ATAD1: variants seen among roughly 807,000 people sequenced by gnomAD.
ATAD1 encodes the protein ATPase family AAA domain containing 1, also known as outer mitochondrial transmembrane helix translocase.
ATAD1 carries 18 observed loss-of-function variants against 42.7 expected under a neutral mutation model. That is an observed-to-expected ratio of 0.42 (90% confidence interval 0.29 to 0.63). The LOEUF (loss-of-function observed/expected upper bound fraction) is 0.63. Ranked by LOEUF, ATAD1 falls within the 20% of genes least tolerant of loss-of-function variation. The pLI, the probability that ATAD1 is intolerant of heterozygous loss-of-function variation, is 0.19. For missense variants in ATAD1, 294 were observed against 440.4 expected (o/e 0.67, Z 2.98); for synonymous variants, 132 against 143.1 (o/e 0.92, Z 0.55).
intron 1 of ATAD1, among the ~76,000 whole-genome samples, chr10:87,826,568 G>T (rs1452253311): frequency 6.6e-6 from 1 of 152,210 alleles, no homozygotes; most frequent in African/African-American, 2.4e-5. Flanking sequence ...CTAAAAGCAG[G>T]TTTAGAATTC....
chr10:87,830,388 T>C (rs182789200), intron 1 of ATAD1, among the ~76,000 whole-genome samples: 1 of 152,230 alleles, frequency 6.6e-6, no homozygotes, highest in East Asian at 1.9e-4. Flanking sequence ...ATTTTGCCAA[T>C]GGAGGTTTTA....
At chr10:87,757,666 G>A (rs542241439) in intron 8 of ATAD1, among the ~76,000 whole-genome samples, 1 of 152,298 alleles carries the variant, frequency 6.6e-6, no homozygotes, top group Admixed American at 6.5e-5. Context: ...AATATAGTGA[G>A]GTCCAGCTGT....
chr10:87,798,613 A>G (rs1856515757), intron 2 of ATAD1, among the ~76,000 whole-genome samples: 1 of 89,920 alleles, frequency 1.1e-5, no homozygotes, highest in African/African-American at 4.4e-5. Context: ...TTCCAAAGTA[A>G]AAGCTATAGG....
chr10:87,763,837 C>T (rs1244699422), intron 8 of ATAD1, among the ~76,000 whole-genome samples: 5 of 151,946 alleles, frequency 3.3e-5, no homozygotes, highest in African/African-American at 1.2e-4. Flanking sequence ...CCCAGAAAGA[C>T]ATATATGCCT....
At chr10:87,831,544 T>C (rs936668913) in intron 1 of ATAD1, among the ~76,000 whole-genome samples, 1 of 152,350 alleles carries the variant, frequency 6.6e-6, no homozygotes, top group East Asian at 1.9e-4. Context: ...ACCACCCTTT[T>C]GATACCTACT....
upstream of ATAD1, among the ~76,000 whole-genome samples, chr10:87,821,117 A>G (rs1857623269): frequency 6.6e-6 from 1 of 152,174 alleles, no homozygotes; most frequent in Non-Finnish European, 1.5e-5. Context: ...TAGTTATGGC[A>G]GTTCTCCTCC....
rs1781709688 is a variant in ATAD1, at chr10:87,840,873, T to C, written c.-14+314A>G. 2.6e-5 allele frequency among the ~76,000 whole-genome samples: 4 copies of C among 152,342 alleles called. No homozygotes were observed. The South Asian group carries it at 8.3e-4, about 32-fold the overall frequency. On this transcript the variant is annotated intron_variant, in intron 1 of 4. Coordinates refer to the ATAD1 transcript ENST00000495903. ...ATGTAAAGTAATATATGATGATATT[T>C]TTATCTCAGGGCTATATTATATCCA...
intron 1 of ATAD1, among the ~76,000 whole-genome samples, chr10:87,839,110 C>T (rs898966481): frequency 2.0e-5 from 3 of 152,134 alleles, no homozygotes; most frequent in Admixed American, 2.0e-4. Flanking sequence ...AGAAACAAAT[C>T]CCCCAACACT....
chr10:87,821,131 G>A (rs915077958), upstream of ATAD1, among the ~76,000 whole-genome samples: 5 of 152,076 alleles, frequency 3.3e-5, no homozygotes, highest in African/African-American at 9.7e-5. Flanking sequence ...CTCCTCCAAG[G>A]TGCTGAATTT....
rs191378198 is a variant in ATAD1 at position 87,798,519 on chromosome 10, A to T, written c.163-5764T>A. On this transcript the variant is annotated intron_variant, in intron 2 of 9. Transcript: ENST00000680024. Reference sequence around the variant, plus strand: ...AATCTGCTGTTATTTTTCTACTAAGATAAAAACCACTGTTTGGATCTAACA... The same window carrying T: ...AATCTGCTGTTATTTTTCTACTAAGTTAAAAACCACTGTTTGGATCTAACA... Among the ~76,000 whole-genome samples the T allele has an allele frequency of 4.5e-3, 685 of 151,840 alleles. 4 individuals are homozygous for T. The highest frequency in any genetic ancestry group is 0.01 in the Middle Eastern group (3 of 290).
chr10:87,796,709 T>C (rs1449000790), intron 2 of ATAD1, among the ~76,000 whole-genome samples: 6 of 152,214 alleles, frequency 3.9e-5, no homozygotes, highest in Non-Finnish European at 8.8e-5. Flanking sequence ...TTGGTGACCA[T>C]GAAGGGATTC....
At chr10:87,773,091 C>A (rs966812727) in intron 6 of ATAD1, among the ~76,000 whole-genome samples, 22 of 152,194 alleles carry the variant, frequency 1.4e-4, no homozygotes, top group African/African-American at 5.3e-4. Context: ...ATAATCTGTA[C>A]AACGAACTCC....
chr10:87,756,676 T>G (rs1564736793), intron 9 of ATAD1, 113 bp downstream of exon 9: 1 of 1,086,424 alleles, frequency 9.2e-7, no homozygotes, highest in African/African-American at 1.6e-5. Context: ...ATAATCCAAA[T>G]TTACCTTTTA....
chr10:87,765,622 T>C (rs983068674), intron 8 of ATAD1, among the ~76,000 whole-genome samples: 2 of 152,084 alleles, frequency 1.3e-5, no homozygotes, highest in Admixed American at 1.3e-4. Flanking sequence ...AGCACTGCAA[T>C]AGAAAAATGG....
At chr10:87,765,649 T>C (rs750008051) in intron 8 of ATAD1, among the ~76,000 whole-genome samples, 6 of 152,072 alleles carry the variant, frequency 3.9e-5, no homozygotes, top group African/African-American at 9.7e-5. Context: ...TATATGAATA[T>C]ACAGTTCACA....
At position 87,792,641 on chromosome 10, in the gene ATAD1, G is replaced by C; in HGVS notation, c.261+16C>G. Reference sequence around the variant, plus strand: ...CCACCTCTAAAAAAATCTTAAATAAGATTAAAGATACATACATGCATATTA... The same window carrying C: ...CCACCTCTAAAAAAATCTTAAATAACATTAAAGATACATACATGCATATTA... On this transcript the variant is annotated intron_variant, in intron 3 of 9. Transcript: ENST00000680024. 5.4e-6 allele frequency: 4 copies of C among 738,560 alleles called. No individual in the cohort carries two copies. Among genetic ancestry groups the C allele is most frequent in the Non-Finnish European group, 8.8e-6 (4 of 455,678 alleles). 45.8% of individuals were successfully genotyped at this position (738,560 alleles called of 1,614,324 possible).
chr10:87,769,447 G>T (rs901917433), intron 7 of ATAD1, among the ~76,000 whole-genome samples: 34 of 152,296 alleles, frequency 2.2e-4, no homozygotes, highest in East Asian at 2.1e-3. Flanking sequence ...GCTGGATTCT[G>T]TAAATTCCAT....
chr10:87,828,643 A>C (rs944785316), intron 1 of ATAD1, among the ~76,000 whole-genome samples: 3 of 152,350 alleles, frequency 2.0e-5, no homozygotes, highest in Non-Finnish European at 4.4e-5. Flanking sequence ...CAGATTTTCA[A>C]TGTAGACAAA....
intron 1 of ATAD1, among the ~76,000 whole-genome samples, chr10:87,827,320 G>A (rs1476611515): frequency 2.0e-5 from 3 of 152,254 alleles, no homozygotes; most frequent in South Asian, 2.1e-4. Flanking sequence ...CCTGTCACAC[G>A]TCAGGTAGCC....
Sources: allele counts gnomAD v4.1 joint callset (sites outside exome capture counted in the v4.1 genomes callset), GRCh38; gene constraint gnomAD v4.1.1; transcripts MANE v1.5; gene names NCBI Gene and HGNC (gene_info 2026-07-23, HGNC 2026-07-21).